The following FNDC3B variants were observed in gnomAD, a reference collection of about 807,000 sequenced individuals.
FNDC3B encodes the protein fibronectin type III domain containing 3B, also known as fibronectin type III domain-containing protein 3B.
In FNDC3B, 12 loss-of-function variants were observed where a neutral mutation model predicts 151.5. The observed-to-expected ratio is 0.08, with a 90% CI of 0.05 to 0.13. FNDC3B has a LOEUF of 0.13. FNDC3B is among the 10% of genes least tolerant of loss of function. FNDC3B has a pLI of 1.00. For missense variants in FNDC3B, 1,214 were observed against 1,505.3 expected (o/e 0.81, Z 3.20); for synonymous variants, 528 against 549.0 (o/e 0.96, Z 0.54).
chr3:172,093,051 C>T (rs1312197813), intron 1 of FNDC3B, among the ~76,000 whole-genome samples: 1 of 152,086 alleles, frequency 6.6e-6, no homozygotes, highest in African/African-American at 2.4e-5. Flanking sequence ...CTACTGGGCT[C>T]AAGCGATCCT....
chr3:172,375,197 C>T (rs990265182), intron 23 of FNDC3B, among the ~76,000 whole-genome samples: 1 of 152,182 alleles, frequency 6.6e-6, no homozygotes, highest in African/African-American at 2.4e-5. Flanking sequence ...CTCCCTGTGG[C>T]TCTTGGTCAC....
intron 3 of FNDC3B, among the ~76,000 whole-genome samples, chr3:172,156,070 T>C (rs1722467998): frequency 6.6e-6 from 1 of 152,116 alleles, no homozygotes; most frequent in Non-Finnish European, 1.5e-5. Context: ...TAGGAGGCCA[T>C]GTCAGTGGGG....
At chr3:172,246,002 C>T (rs1439213154) in intron 4 of FNDC3B, among the ~76,000 whole-genome samples, 1 of 152,068 alleles carries the variant, frequency 6.6e-6, no homozygotes, top group Non-Finnish European at 1.5e-5. Context: ...ATAACATAAA[C>T]ATTGATAGAC....
intron 3 of FNDC3B, among the ~76,000 whole-genome samples, chr3:172,145,305 A>G (rs1435121679): frequency 2.0e-5 from 3 of 151,734 alleles, no homozygotes; most frequent in Non-Finnish European, 4.4e-5. Context: ...CTTTGGGAGT[A>G]AAAAAAAGAG....
intron 3 of FNDC3B, among the ~76,000 whole-genome samples, chr3:172,203,515 G>A (rs1725261052): frequency 6.6e-6 from 1 of 152,318 alleles, no homozygotes; most frequent in Admixed American, 6.5e-5. Flanking sequence ...AACTGCATAA[G>A]CATTTTATTT....
chr3:172,394,106 T>TAAA lies in FNDC3B; in HGVS notation c.3304-3030_3304-3028dup, dbSNP rs60559371. ...CTGGGTGACAGAGTGAGACTCCTTC[T>TAAA]AAAAAAAAAAAAAAAAAAAAAAAAA... On this transcript the variant is annotated intron_variant, in intron 25 of 25. Coordinates refer to ENST00000415807, the MANE Select transcript of FNDC3B (RefSeq NM_022763.4). Among the ~76,000 whole-genome samples, 82 of 16,652 alleles carry TAAA rather than the reference T, an allele frequency of 4.9e-3. 10 individuals carry two copies. Among genetic ancestry groups the TAAA allele is most frequent in the African/African-American group, 0.015 (69 of 4,618 alleles). The allele number at this position is 16,652 out of a possible 152,430, so 10.9% of individuals were successfully genotyped here. A position where few individuals can be genotyped will look rare whatever the true frequency, so the allele number is the denominator to read the frequency against.
At chr3:172,332,101 G>A (rs1439395342) in intron 13 of FNDC3B, among the ~76,000 whole-genome samples, 2 of 152,162 alleles carry the variant, frequency 1.3e-5, no homozygotes, top group African/African-American at 4.8e-5. Flanking sequence ...CTCCCGAGTA[G>A]CTGGGATTAT....
chr3:172,190,948 C>T (rs1037803183), intron 3 of FNDC3B, among the ~76,000 whole-genome samples: 4 of 152,146 alleles, frequency 2.6e-5, no homozygotes, highest in East Asian at 1.9e-4. Context: ...GGATTACAGG[C>T]GTGAGCCACC....
At chr3:172,105,185 C>T (rs957058639) in intron 1 of FNDC3B, among the ~76,000 whole-genome samples, 1 of 152,112 alleles carries the variant, frequency 6.6e-6, no homozygotes, top group East Asian at 1.9e-4. Flanking sequence ...GGCATTTATA[C>T]ATAAAGGCCA....
chr3:172,392,015 C>T (rs1221326066), intron 25 of FNDC3B, among the ~76,000 whole-genome samples: 1 of 152,124 alleles, frequency 6.6e-6, no homozygotes, highest in Non-Finnish European at 1.5e-5. Flanking sequence ...TTTCCTGAGA[C>T]CTCCCACATG....
chr3:172,061,675 A>T (rs1364558188), intron 1 of FNDC3B, among the ~76,000 whole-genome samples: 1 of 152,238 alleles, frequency 6.6e-6, no homozygotes. Flanking sequence ...TATTCAACAA[A>T]ATAGTGATAT....
At chr3:172,198,882 G>A (rs1179990557) in intron 3 of FNDC3B, among the ~76,000 whole-genome samples, 1 of 152,166 alleles carries the variant, frequency 6.6e-6, no homozygotes, top group Non-Finnish European at 1.5e-5. Context: ...CTGGAGTGCA[G>A]TGGTGTGATC....
At chr3:172,218,155 A>G (rs77209995) in intron 3 of FNDC3B, among the ~76,000 whole-genome samples, 2 of 151,178 alleles carry the variant, frequency 1.3e-5, no homozygotes, top group Non-Finnish European at 3.0e-5. Flanking sequence ...AAAAAAAAAA[A>G]AAAAGGGCTG....
intron 1 of FNDC3B, among the ~76,000 whole-genome samples, chr3:172,061,381 C>T (rs1481736446): frequency 2.0e-5 from 3 of 151,820 alleles, no homozygotes; most frequent in Non-Finnish European, 2.9e-5. Flanking sequence ...TACAGGTGCC[C>T]GCCACCAAGC....
At position 172,397,820 on chromosome 3, in the gene FNDC3B, G is replaced by T. The variant is rs78674234; in HGVS notation, c.*345G>T. 2.1e-4 allele frequency: 33 copies of T among 156,418 alleles called. No homozygotes were observed. The East Asian group carries it at 6.1e-3, about 29-fold the overall frequency. The allele number at this position is 156,418 out of a possible 1,614,324, so 9.7% of individuals were successfully genotyped here. On this transcript the variant is annotated 3_prime_UTR_variant, in exon 26 of 26. Coordinates refer to ENST00000415807, the MANE Select transcript of FNDC3B (RefSeq NM_022763.4). ...CTTTGATTTTTTTTTTTTTGTTACA[G>T]TTTAGTAATTTATATTCACCAGTCA...
intron 1 of FNDC3B, among the ~76,000 whole-genome samples, chr3:172,102,962 G>A (rs1719446260): frequency 6.6e-6 from 1 of 152,146 alleles, no homozygotes; most frequent in African/African-American, 2.4e-5. Flanking sequence ...GCTTGGGTAT[G>A]TGTGAGAATA....
intron 9 of FNDC3B, among the ~76,000 whole-genome samples, chr3:172,299,698 A>G (rs905616697): frequency 6.6e-6 from 1 of 152,072 alleles, no homozygotes; most frequent in African/African-American, 2.4e-5. Flanking sequence ...ATCTATTACT[A>G]TACTTTCCAA....
chr3:172,384,314 A>G (rs1223246292), intron 25 of FNDC3B, among the ~76,000 whole-genome samples: 1 of 152,204 alleles, frequency 6.6e-6, no homozygotes, highest in African/African-American at 2.4e-5. Flanking sequence ...CAAAGACACT[A>G]TGGTTCCTTT....
chr3:172,073,824 C>G lies in FNDC3B; in HGVS notation c.-29+34053C>G, dbSNP rs192188402. On this transcript the variant is annotated intron_variant, in intron 1 of 25. Coordinates refer to ENST00000415807, the MANE Select transcript of FNDC3B (RefSeq NM_022763.4). ...TTACAATGGGTGCATGATTTTGTAG[C>G]GTAAGTTTACTACCTGACCTTGTTT... Among the ~76,000 whole-genome samples, 31 of 151,744 alleles carry G rather than the reference C, an allele frequency of 2.0e-4. No homozygotes were observed. In the East Asian group the frequency reaches 3.1e-3, roughly 15 times the overall value.
Sources: gnomAD v4.1 joint callset for allele counts (sites outside exome capture counted in the v4.1 genomes callset) on GRCh38, gnomAD v4.1.1 for gene constraint, MANE v1.5 for transcripts, NCBI Gene and HGNC (gene_info 2026-07-23, HGNC 2026-07-21) for gene names.